Variants in MDGA2 observed in about 807,000 individuals in gnomAD.
MDGA2 encodes MAM domain-containing glycosylphosphatidylinositol anchor protein 2.
A neutral mutation model predicts 117.8 loss-of-function variants in MDGA2; 40 were observed. The observed-to-expected ratio is 0.34, with a 90% CI of 0.26 to 0.44. The LOEUF (loss-of-function observed/expected upper bound fraction) is 0.44, where lower values mean the gene tolerates loss of function less well. Among genes scored for constraint, MDGA2 ranks in the 20% least tolerant of loss-of-function variants. MDGA2 has a pLI of 1.00. For missense variants in MDGA2, 1,123 were observed against 1,250.6 expected, an observed-to-expected ratio of 0.90 and a Z score of 1.54; for synonymous variants, 452 against 439.0, an observed-to-expected ratio of 1.03 and a Z score of -0.37.
At position 47,412,699 on chromosome 14, in the gene MDGA2, G is replaced by A. The variant is rs933659527; in HGVS notation, c.281-111149C>T. ...GATTTACAGAGGGAGGGAGAGGCTG[G>A]AATGAAAGAAATGCTCCAGGCTATC... On this transcript the variant is annotated intron_variant, in intron 1 of 16. Coordinates refer to ENST00000399232, the MANE Select transcript of MDGA2 (RefSeq NM_001113498.3). Among the ~76,000 whole-genome samples the A allele has an allele frequency of 4.6e-4, 70 of 152,342 alleles. 1 individual carries two copies. Among genetic ancestry groups the A allele is most frequent in the African/African-American group, 1.6e-3 (67 of 41,586 alleles).
chr14:47,130,484 G>T (rs1882147458), intron 5 of MDGA2, among the ~76,000 whole-genome samples: 1 of 152,094 alleles, frequency 6.6e-6, no homozygotes, highest in African/African-American at 2.4e-5. Flanking sequence ...AAAAATAAAT[G>T]TATAAAACAA....
intron 9 of MDGA2, among the ~76,000 whole-genome samples, chr14:46,941,648 G>A (rs987793890): frequency 1.3e-5 from 2 of 151,948 alleles, no homozygotes; most frequent in African/African-American, 2.4e-5. Flanking sequence ...AATTTCTACC[G>A]GAAAATCTAA....
intron 1 of MDGA2, among the ~76,000 whole-genome samples, chr14:47,344,492 A>G (rs1254970762): frequency 6.6e-6 from 1 of 152,144 alleles, no homozygotes; most frequent in Non-Finnish European, 1.5e-5. Flanking sequence ...TACAAGATGT[A>G]TGATGGCTAA....
At chr14:47,432,976 CA>C (rs1007792287) in intron 1 of MDGA2, among the ~76,000 whole-genome samples, 1 of 151,916 alleles carries the variant, frequency 6.6e-6, no homozygotes, top group African/African-American at 2.4e-5. Context: ...GGAACTGTGT[CA>C]AATACTGGGA....
intron 1 of MDGA2, among the ~76,000 whole-genome samples, chr14:47,568,509 G>C (rs1895959714): frequency 6.6e-6 from 1 of 152,098 alleles, no homozygotes; most frequent in African/African-American, 2.4e-5. Context: ...TATGTCTTTA[G>C]AGAAGGTGGC....
chr14:47,439,559 T>C (rs1297231064), intron 1 of MDGA2, among the ~76,000 whole-genome samples: 1 of 152,134 alleles, frequency 6.6e-6, no homozygotes, highest in Non-Finnish European at 1.5e-5. Flanking sequence ...GGTGATTCAG[T>C]TGCAGAAAGA....
chr14:47,625,257 G>A (rs1237178579), intron 1 of MDGA2, among the ~76,000 whole-genome samples: 1 of 151,960 alleles, frequency 6.6e-6, no homozygotes, highest in African/African-American at 2.4e-5. Context: ...TAGATCTGCA[G>A]TGAGAGAAAT....
intron 5 of MDGA2, among the ~76,000 whole-genome samples, chr14:47,113,317 A>C (rs185696317): frequency 8.5e-5 from 13 of 152,152 alleles, no homozygotes; most frequent in East Asian, 7.7e-4. Flanking sequence ...TAGCCTACCA[A>C]CAACAACAAC....
chr14:47,012,714 T>C (rs1196791307), intron 8 of MDGA2, among the ~76,000 whole-genome samples: 1 of 152,060 alleles, frequency 6.6e-6, no homozygotes, highest in African/African-American at 2.4e-5. Flanking sequence ...CATATTTCAG[T>C]GGGAAGTTTC....
intron 1 of MDGA2, among the ~76,000 whole-genome samples, chr14:47,617,691 G>A (rs760747256): frequency 6.6e-6 from 1 of 152,068 alleles, no homozygotes; most frequent in South Asian, 2.1e-4. Flanking sequence ...TAACTGAGTT[G>A]CTTGGTAAAC....
intron 5 of MDGA2, among the ~76,000 whole-genome samples, chr14:47,107,547 G>A (rs574780324): frequency 0.017 from 2,588 of 151,766 alleles, 49 homozygotes; most frequent in African/African-American, 0.059. Context: ...CTGTACTGCC[G>A]CAAAGCTTCA....
chr14:47,593,826 G>A (rs562114184), intron 1 of MDGA2, among the ~76,000 whole-genome samples: 9 of 152,046 alleles, frequency 5.9e-5, no homozygotes, highest in Non-Finnish European at 1.3e-4. Flanking sequence ...CATGGCACAC[G>A]TTTACCTATC....
intron 10 of MDGA2, among the ~76,000 whole-genome samples, chr14:46,908,660 C>T (rs1011743718): frequency 4.6e-5 from 7 of 152,176 alleles, no homozygotes; most frequent in African/African-American, 1.7e-4. Flanking sequence ...AACTGTATTC[C>T]AGATCTGAAG....
chr14:46,975,503 A>G (rs1886421475), intron 8 of MDGA2, among the ~76,000 whole-genome samples: 1 of 152,174 alleles, frequency 6.6e-6, no homozygotes, highest in African/African-American at 2.4e-5. Flanking sequence ...TAGAATATCA[A>G]TCAGCTTTTA....
In MDGA2 at chr14:46,957,434, C is replaced by T; in HGVS notation, c.2029G>A (p.Val677Ile). 1 of 1,613,902 alleles carries T rather than the reference C, an allele frequency of 6.2e-7. No individual in the cohort carries two copies. Among genetic ancestry groups the T allele is most frequent in the East Asian group, 2.2e-5 (1 of 44,858 alleles). The change falls in exon 9 of 17, where the codon GTT becomes ATT. Residue 677 changes from valine (V) to isoleucine (I), a missense_variant. Physicochemically the swap from Val to Ile is conservative, Grantham distance 29. Coordinates refer to ENST00000399232, the MANE Select transcript of MDGA2 (RefSeq NM_001113498.3). ...VKSLSNENYG[V>I]YNCSIINEAG... ...TCATTTATGATGCTACAGTTATAAA[C>T]CCCATAGTTTTCATTGGAAAGACTC... is the stretch of plus-strand genomic sequence containing the variant.
intron 1 of MDGA2, among the ~76,000 whole-genome samples, chr14:47,457,093 G>C (rs1893370937): frequency 6.6e-6 from 1 of 152,054 alleles, no homozygotes. Flanking sequence ...ACAGTCAAAA[G>C]GTCTGAATTA....
chr14:47,304,235 G>A (rs1345234834), intron 1 of MDGA2, among the ~76,000 whole-genome samples: 1 of 152,120 alleles, frequency 6.6e-6, no homozygotes, highest in African/African-American at 2.4e-5. Context: ...AGTTCATATA[G>A]GTCAGCACTC....
chr14:46,882,250 T>G, intron 10 of MDGA2, 29 bp from the exon 11 acceptor site: 1 of 1,582,178 alleles, frequency 6.3e-7, no homozygotes, highest in Non-Finnish European at 8.6e-7. Flanking sequence ...TAGAATAATG[T>G]TCCCAGTATG....
At chr14:47,067,666 T>G (rs1001969652) in intron 6 of MDGA2, among the ~76,000 whole-genome samples, 3 of 152,186 alleles carry the variant, frequency 2.0e-5, no homozygotes, top group African/African-American at 7.2e-5. Context: ...GAAATGTACA[T>G]TTTGCAATAT....
Sources: gnomAD v4.1 joint callset for allele counts (sites outside exome capture counted in the v4.1 genomes callset) on GRCh38, gnomAD v4.1.1 for gene constraint, MANE v1.5 for transcripts, NCBI Gene and HGNC (gene_info 2026-07-23, HGNC 2026-07-21) for gene names.